The following CAMK4 variants were observed in gnomAD, a reference collection of about 807,000 sequenced individuals.
The protein encoded by CAMK4 is calcium/calmodulin-dependent protein kinase type IV.
Under a neutral mutation model 44.9 loss-of-function variants are expected in CAMK4, and 22 were observed. The observed-to-expected ratio is 0.49, with a 90% CI of 0.35 to 0.70. The LOEUF (loss-of-function observed/expected upper bound fraction) is 0.70, where lower values mean the gene tolerates loss of function less well. Ranked by LOEUF, CAMK4 falls within the 30% of genes least tolerant of loss-of-function variation. The pLI, the probability that CAMK4 is intolerant of heterozygous loss-of-function variation, is 0.01. For missense variants in CAMK4, 498 were observed against 586.8 expected, an observed-to-expected ratio of 0.85 and a Z score of 1.56; for synonymous variants, 218 against 215.4, an observed-to-expected ratio of 1.01 and a Z score of -0.11.
At chr5:111,246,971 G>A (rs1749270051) in intron 1 of CAMK4, among the ~76,000 whole-genome samples, 3 of 152,130 alleles carry the variant, frequency 2.0e-5, no homozygotes, top group Admixed American at 2.0e-4. Context: ...ATGATGTGCT[G>A]CAGAAGATAG....
At chr5:111,320,272 G>A (rs1326440475) in intron 1 of CAMK4, among the ~76,000 whole-genome samples, 4 of 152,114 alleles carry the variant, frequency 2.6e-5, no homozygotes, top group Admixed American at 6.6e-5. Context: ...TCATCGTGGG[G>A]ATAGTGAGCA....
At chr5:111,335,702 C>G (rs1033173856) in intron 1 of CAMK4, among the ~76,000 whole-genome samples, 3 of 151,238 alleles carry the variant, frequency 2.0e-5, no homozygotes, top group Admixed American at 6.6e-5. Context: ...TATCTGGAGC[C>G]TTCCCCTCCA....
intron 1 of CAMK4, among the ~76,000 whole-genome samples, chr5:111,335,678 G>A (rs1284211794): frequency 2.0e-5 from 3 of 151,234 alleles, no homozygotes; most frequent in African/African-American, 7.3e-5. Context: ...ACATATTCAG[G>A]AAAATAAATA....
At chr5:111,286,296 G>T (rs564035788) in intron 1 of CAMK4, among the ~76,000 whole-genome samples, 1 of 152,072 alleles carries the variant, frequency 6.6e-6, no homozygotes, top group Non-Finnish European at 1.5e-5. Context: ...ACCTTTGTCC[G>T]GTGTTGTATA....
At chr5:111,327,174 A>G (rs1004870272) in intron 1 of CAMK4, among the ~76,000 whole-genome samples, 10 of 132,870 alleles carry the variant, frequency 7.5e-5, no homozygotes, top group African/African-American at 2.0e-4. Context: ...CAACTCCACA[A>G]CAGTCCCTGG....
intron 5 of CAMK4, among the ~76,000 whole-genome samples, chr5:111,415,922 G>T (rs1752799481): frequency 6.6e-6 from 1 of 152,160 alleles, no homozygotes; most frequent in Non-Finnish European, 1.5e-5. Context: ...ATCTACAGAT[G>T]ATTTAAAGTA....
chr5:111,432,489 A>G (rs938302250), intron 5 of CAMK4, among the ~76,000 whole-genome samples: 1 of 151,914 alleles, frequency 6.6e-6, no homozygotes, highest in Admixed American at 6.6e-5. Flanking sequence ...GTGTTTAAAA[A>G]TAACTAATTC....
chr5:111,479,013 G>C (rs1167590468), intron 9 of CAMK4, among the ~76,000 whole-genome samples: 6 of 152,216 alleles, frequency 3.9e-5, no homozygotes, highest in Non-Finnish European at 2.9e-5. Context: ...GAGTAGCTGG[G>C]ACACAGGTGC....
chr5:111,397,681 GTGTGTGTGTGTT>G (rs776972407), intron 5 of CAMK4, among the ~76,000 whole-genome samples: 59 of 131,198 alleles, frequency 4.5e-4, no homozygotes, highest in African/African-American at 7.6e-4. Flanking sequence ...GTGTGTGTGT[GTGTGTGTGTGTT>G]TGCAGTTTAC....
At chr5:111,267,682 C>CGACA (rs1024141465) in intron 1 of CAMK4, among the ~76,000 whole-genome samples, 51 of 118,962 alleles carry the variant, frequency 4.3e-4, no homozygotes, top group African/African-American at 1.6e-3. Flanking sequence ...CCCGCCTGGG[C>CGACA]GACAGAACGA....
chr5:111,341,121 T>C (rs1312372920), intron 1 of CAMK4, among the ~76,000 whole-genome samples: 1 of 151,296 alleles, frequency 6.6e-6, no homozygotes, highest in African/African-American at 2.4e-5. Flanking sequence ...AGTTATTTAT[T>C]TATTCTAGAT....
intron 1 of CAMK4, among the ~76,000 whole-genome samples, chr5:111,339,180 CTG>C (rs1249944626): frequency 6.6e-6 from 1 of 151,274 alleles, no homozygotes; most frequent in Non-Finnish European, 1.5e-5. Flanking sequence ...TGTAGGTTGT[CTG>C]TTTTATTCTG....
intron 1 of CAMK4, among the ~76,000 whole-genome samples, chr5:111,251,039 A>G (rs988194092): frequency 1.3e-5 from 2 of 152,190 alleles, no homozygotes; most frequent in Non-Finnish European, 2.9e-5. Context: ...ATCCTTGGAC[A>G]TTCTTTGCTA....
chr5:111,237,282 G>A (rs1015440961), intron 1 of CAMK4, among the ~76,000 whole-genome samples: 1 of 152,126 alleles, frequency 6.6e-6, no homozygotes, highest in Non-Finnish European at 1.5e-5. Context: ...AAGTGATCAG[G>A]GATACTGTCA....
intron 1 of CAMK4, among the ~76,000 whole-genome samples, chr5:111,235,609 G>A (rs951043873): frequency 6.6e-6 from 1 of 152,210 alleles, no homozygotes; most frequent in Admixed American, 6.5e-5. Context: ...CTTATCATAT[G>A]TATGTGTGAC....
At chr5:111,477,638 C>T (rs993195245) in intron 8 of CAMK4, among the ~76,000 whole-genome samples, 4 of 152,192 alleles carry the variant, frequency 2.6e-5, no homozygotes, top group Non-Finnish European at 4.4e-5. Flanking sequence ...CCTTTTATCC[C>T]ACTTTTCCCA....
At chr5:111,254,430 T>C (rs1749649945) in intron 1 of CAMK4, among the ~76,000 whole-genome samples, 1 of 152,116 alleles carries the variant, frequency 6.6e-6, no homozygotes, top group African/African-American at 2.4e-5. Flanking sequence ...GTGGAGAGGG[T>C]TGACACCCTT....
At chr5:111,268,738 A>G (rs1313331680) in intron 1 of CAMK4, among the ~76,000 whole-genome samples, 2 of 152,212 alleles carry the variant, frequency 1.3e-5, no homozygotes, top group African/African-American at 4.8e-5. Flanking sequence ...TGACATGTCA[A>G]AGATAATTTG....
At chr5:111,458,428 T>G (rs552019639) in intron 7 of CAMK4, among the ~76,000 whole-genome samples, 2 of 152,350 alleles carry the variant, frequency 1.3e-5, no homozygotes, top group East Asian at 3.9e-4. Flanking sequence ...TCTCTGGAAC[T>G]TTAGTTGTGT....
Sources: gnomAD v4.1 joint callset for allele counts (sites outside exome capture counted in the v4.1 genomes callset) on GRCh38, gnomAD v4.1.1 for gene constraint, MANE v1.5 for transcripts, NCBI Gene and HGNC (gene_info 2026-07-23, HGNC 2026-07-21) for gene names.